Variants in NUMB observed in about 807,000 individuals in gnomAD.
The protein encoded by NUMB is NUMB endocytic adaptor protein, also known as protein numb homolog.
Under a neutral mutation model 59.7 loss-of-function variants are expected in NUMB, and 29 were observed. The observed-to-expected ratio is 0.49, with a 90% CI of 0.36 to 0.66. The LOEUF (loss-of-function observed/expected upper bound fraction) is 0.66, where lower values mean the gene tolerates loss of function less well. NUMB is among the 30% of genes least tolerant of loss of function. NUMB has a pLI of 0.00. For missense variants in NUMB, 723 were observed against 822.0 expected, an observed-to-expected ratio of 0.88 and a Z score of 1.47; for synonymous variants, 288 against 288.2, an observed-to-expected ratio of 1.00 and a Z score of 0.01.
intron 3 of NUMB, among the ~76,000 whole-genome samples, chr14:73,361,176 C>T (rs969509632): frequency 6.6e-6 from 1 of 152,214 alleles, no homozygotes; most frequent in African/African-American, 2.4e-5. Flanking sequence ...AGGTGTGAAC[C>T]ACTGCACATG....
intron 2 of NUMB, among the ~76,000 whole-genome samples, chr14:73,406,090 T>G (rs1896650980): frequency 1.6e-5 from 1 of 61,154 alleles, no homozygotes; most frequent in Non-Finnish European, 2.8e-5. Context: ...TAACATATTT[T>G]TGTTTTTTTT....
intron 2 of NUMB, among the ~76,000 whole-genome samples, chr14:73,406,326 T>C (rs1295680406): frequency 6.8e-6 from 1 of 146,530 alleles, no homozygotes; most frequent in Non-Finnish European, 1.5e-5. Flanking sequence ...TTCCCACCTA[T>C]GAGTGAGAAC....
chr14:73,292,803 A>G lies in NUMB; in HGVS notation c.381T>C (p.Phe127=). The part of the protein sequence containing the change: ...CAPDRNFDRA[F]SYICRDGTTR... ...TGGTGCCATCACGGCATATGTAAGA[A>G]AAGGCTCTATCAAAGTTCCTGTCTG... is the stretch of plus-strand genomic sequence containing the variant. The change falls in exon 8 of 13, where the codon TTT becomes TTC. Residue 127 remains phenylalanine (F), a synonymous_variant. Transcript: ENST00000555238. 1.2e-6 allele frequency: 2 copies of G among 1,614,238 alleles called. No individual in the cohort carries two copies. The highest frequency in any genetic ancestry group is 1.7e-6 in the Non-Finnish European group (2 of 1,180,038).
chr14:73,327,040 T>C (rs544658490), intron 4 of NUMB, among the ~76,000 whole-genome samples: 2 of 145,898 alleles, frequency 1.4e-5, no homozygotes, highest in East Asian at 2.0e-4. Context: ...ATTCCTATTA[T>C]AAGGAAATTT....
chr14:73,308,375 G>GA (rs1890582375), intron 6 of NUMB, among the ~76,000 whole-genome samples: 1 of 152,116 alleles, frequency 6.6e-6, no homozygotes, highest in African/African-American at 2.4e-5. Flanking sequence ...CTCCTTGGGG[G>GA]AATTTGATTT....
intron 1 of NUMB, among the ~76,000 whole-genome samples, chr14:73,443,450 C>A (rs918537001): frequency 6.6e-6 from 1 of 151,718 alleles, no homozygotes; most frequent in Non-Finnish European, 1.5e-5. Context: ...ACAAAATTAG[C>A]CAGGCGTGGT....
At chr14:73,339,769 C>T (rs1267421773) in intron 4 of NUMB, among the ~76,000 whole-genome samples, 1 of 150,466 alleles carries the variant, frequency 6.6e-6, no homozygotes, top group African/African-American at 2.5e-5. Flanking sequence ...CAACCCCTAT[C>T]GTTTTTTGTT....
chr14:73,276,873 G>T lies in NUMB; in HGVS notation c.1661C>A (p.Pro554His). 1.2e-6 allele frequency: 2 copies of T among 1,614,074 alleles called. No individual in the cohort carries two copies. Among genetic ancestry groups the T allele is most frequent in the Non-Finnish European group, 1.7e-6 (2 of 1,179,960 alleles). ...HPQAAHPHQSPSLVRQQTFPH... is the reference protein window; with the variant it reads ...HPQAAHPHQSHSLVRQQTFPH... ...GAATGTCTGCTGCCTGACCAGGCTG[G>T]GTGACTGATGGGGATGGGCAGCCTG... The change falls in exon 13 of 13, where the codon CCC (proline) becomes CAC (histidine). Residue 554 changes from proline (P) to histidine (H), a missense_variant. Pro to His is a moderately conservative substitution (Grantham distance 77). Around this residue, in one of 2 missense-constraint regions of NUMB, gnomAD observed 406 missense variants for 385.4 expected, o/e 1.05. Transcript: ENST00000555238.
intron 1 of NUMB, among the ~76,000 whole-genome samples, chr14:73,452,539 CT>C: frequency 6.6e-6 from 1 of 152,282 alleles, no homozygotes; most frequent in East Asian, 1.9e-4. Flanking sequence ...AGGAACGTAA[CT>C]TATCAGCAAA....
At chr14:73,401,553 G>C (rs1222207597) in intron 2 of NUMB, among the ~76,000 whole-genome samples, 3 of 149,090 alleles carry the variant, frequency 2.0e-5, no homozygotes, top group Non-Finnish European at 4.4e-5. Flanking sequence ...AACAAAATAT[G>C]TAAGACTAAA....
At chr14:73,381,100 T>C (rs1355885788) in intron 2 of NUMB, among the ~76,000 whole-genome samples, 3 of 152,178 alleles carry the variant, frequency 2.0e-5, no homozygotes, top group Non-Finnish European at 4.4e-5. Flanking sequence ...GGTTCAGAGA[T>C]ATTAAATAAC....
intron 8 of NUMB, among the ~76,000 whole-genome samples, chr14:73,289,440 C>T (rs1362082015): frequency 1.3e-5 from 2 of 152,100 alleles, no homozygotes; most frequent in African/African-American, 4.8e-5. Flanking sequence ...AGAGATGGTA[C>T]AATAATTGTT....
rs146065640 is a variant in NUMB at position 73,308,995 on chromosome 14, A to T, written c.234+7395T>A. On this transcript the variant is annotated intron_variant, in intron 6 of 12. Transcript: ENST00000555238. ...AAGGAACTGAGGGTACCAAGAAGAA[A>T]CCTTTTTTTAAAAAGAAGATGGTAT... Among the ~76,000 whole-genome samples, 1,036 of 152,216 alleles carry T rather than the reference A, an allele frequency of 6.8e-3. 4 individuals are homozygous for T. The highest frequency in any genetic ancestry group is 0.03 in the South Asian group (144 of 4,814).
chr14:73,440,934 T>C (rs1036456336), intron 1 of NUMB, among the ~76,000 whole-genome samples: 6 of 133,292 alleles, frequency 4.5e-5, no homozygotes, highest in Non-Finnish European at 9.6e-5. Context: ...TCCCTGTGTC[T>C]AAAAAAGAAA....
intron 1 of NUMB, among the ~76,000 whole-genome samples, chr14:73,411,261 G>A (rs1050067764): frequency 6.6e-6 from 1 of 152,116 alleles, no homozygotes; most frequent in African/African-American, 2.4e-5. Context: ...ACTATGTTGC[G>A]CAGGCTGAAT....
intron 2 of NUMB, chr14:73,409,115 C>G (rs190742673): frequency 6.6e-6 from 1 of 152,140 alleles, no homozygotes; most frequent in African/African-American, 2.4e-5. Flanking sequence ...CCAAAGATGC[C>G]TACAACGTTA....
chr14:73,310,178 T>C (rs1192574151), intron 6 of NUMB, among the ~76,000 whole-genome samples: 1 of 152,100 alleles, frequency 6.6e-6, no homozygotes, highest in Non-Finnish European at 1.5e-5. Flanking sequence ...TAAAGGCACA[T>C]AACAAATGAG....
chr14:73,359,572 G>A (rs531569297), intron 3 of NUMB, among the ~76,000 whole-genome samples: 3 of 152,322 alleles, frequency 2.0e-5, no homozygotes, highest in South Asian at 2.1e-4. Context: ...TGCTGAGGAT[G>A]CTAGCCTACT....
At position 73,367,296 on chromosome 14, in the gene NUMB, T is replaced by TATATACACAC. The variant is rs1406816784; in HGVS notation, c.-100-316_-100-315insGTGTGTATAT. On this transcript the variant is annotated intron_variant, in intron 2 of 12. Transcript: ENST00000555238. ...ATAAAATACTATATATATATATATATACACACACACACACACACACACACA... is the reference window on the plus strand; with the variant it reads ...ATAAAATACTATATATATATATATATATATACACACACACACACACACACACACACACACA... Among the ~76,000 whole-genome samples, 490 of 120,890 alleles carry TATATACACAC rather than the reference T, an allele frequency of 4.1e-3. 3 individuals are homozygous for TATATACACAC. Among genetic ancestry groups the TATATACACAC allele is most frequent in the African/African-American group, 0.017 (452 of 27,360 alleles). 79.3% of individuals were successfully genotyped at this position (120,890 alleles called of 152,430 possible). A position where few individuals can be genotyped will look rare whatever the true frequency, so the allele number is the denominator to read the frequency against.
Sources: allele counts gnomAD v4.1 joint callset (sites outside exome capture counted in the v4.1 genomes callset), GRCh38; gene constraint gnomAD v4.1.1; regional missense constraint gnomAD v4.1.1; transcripts MANE v1.5; gene names NCBI Gene and HGNC (gene_info 2026-07-23, HGNC 2026-07-21).